The following TPRG1 variants were observed in gnomAD, a reference collection of about 807,000 sequenced individuals.
TPRG1 encodes tumor protein p63-regulated gene 1 protein.
Under a neutral mutation model 29.3 loss-of-function variants are expected in TPRG1, and 29 were observed. The ratio of observed to expected loss-of-function variants is 0.99; its 90% CI spans 0.74 to 1.35. The LOEUF (loss-of-function observed/expected upper bound fraction) is 1.35, where lower values mean the gene tolerates loss of function less well. TPRG1 is among the 40% of genes most tolerant of loss of function. The probability of loss-of-function intolerance (pLI) is 0.00; values close to 1 mark genes in which losing one functional copy is unlikely to be tolerated. For synonymous variants in TPRG1, 130 were observed against 116.8 expected, an observed-to-expected ratio of 1.11 and a Z score of -0.73; for missense variants, 327 against 335.0, an observed-to-expected ratio of 0.98 and a Z score of 0.19.
chr3:189,139,051 C>T (rs969346079), intron 3 of TPRG1, among the ~76,000 whole-genome samples: 3 of 152,042 alleles, frequency 2.0e-5, no homozygotes, highest in African/African-American at 7.2e-5. Flanking sequence ...CAAAAGAAAC[C>T]CAGCCAAGTA....
chr3:189,047,319 T>C (rs1715042108), intron 4 of TPRG1, among the ~76,000 whole-genome samples: 1 of 152,234 alleles, frequency 6.6e-6, no homozygotes, highest in African/African-American at 2.4e-5. Flanking sequence ...TACTATAGTC[T>C]ATTAAGTGTA....
intron 4 of TPRG1, among the ~76,000 whole-genome samples, chr3:189,293,728 C>T (rs1035715800): frequency 6.6e-6 from 1 of 152,156 alleles, no homozygotes; most frequent in Non-Finnish European, 1.5e-5. Flanking sequence ...AGTCTGTCTC[C>T]TCCTTTTTAT....
At chr3:189,054,135 T>C (rs1055569679) in intron 4 of TPRG1, among the ~76,000 whole-genome samples, 2 of 152,122 alleles carry the variant, frequency 1.3e-5, no homozygotes, top group Admixed American at 1.3e-4. Context: ...ATGCAAATCT[T>C]CCTTTTACTT....
intron 4 of TPRG1, among the ~76,000 whole-genome samples, chr3:189,276,309 AT>A (rs2109110134): frequency 6.6e-6 from 1 of 152,328 alleles, no homozygotes; most frequent in South Asian, 2.1e-4. Context: ...TGTGGTTGGA[AT>A]TGCAGAAGTG....
intron 4 of TPRG1, among the ~76,000 whole-genome samples, chr3:189,294,247 A>G (rs1719497841): frequency 6.6e-6 from 1 of 152,164 alleles, no homozygotes; most frequent in South Asian, 2.1e-4. Flanking sequence ...TCAGGAATCA[A>G]GTACTTAGAT....
chr3:189,207,457 G>C lies in TPRG1; in HGVS notation c.73G>C (p.Glu25Gln), dbSNP rs1374930409. 2.5e-6 allele frequency: 4 copies of C among 1,613,924 alleles called. No homozygotes were observed. In the Admixed American group the frequency reaches 5.0e-5, roughly 20 times the overall value. ...GCAAGAGGGAGATGACCAACCCTCT[G>C]AGACTGACCACCTATCGATGGAGGA... ...LKQEGDDQPS[E>Q]TDHLSMEEED... Residue 25 changes from glutamate (E) to glutamine (Q), a missense_variant, in exon 2 of 6, where the codon GAG becomes CAG. Glu to Gln is a conservative substitution (Grantham distance 29). Coordinates refer to ENST00000345063, the MANE Select transcript of TPRG1 (RefSeq NM_198485.4).
rs374374486 is a variant in TPRG1 at position 189,083,266 on chromosome 3, G to A, written c.-462-43791G>A. ...TTGGGGCCAGAGGCCTGGAAACTTT[G>A]ACCACTCTGGCATAGGGATTCGGCT... On this transcript the variant is annotated intron_variant, in intron 4 of 10. Coordinates refer to the TPRG1 transcript ENST00000433971. 1.7e-4 allele frequency among the ~76,000 whole-genome samples: 26 copies of A among 152,178 alleles called. No individual in the cohort carries two copies. The East Asian group carries it at 2.3e-3, about 14-fold the overall frequency.
intron 4 of TPRG1, among the ~76,000 whole-genome samples, chr3:189,292,156 T>C (rs1719105088): frequency 2.0e-5 from 3 of 152,216 alleles, no homozygotes. Flanking sequence ...TAATCTGTTT[T>C]AAAACTTTTT....
chr3:189,197,742 G>C lies in TPRG1; in HGVS notation c.-9-9634G>C, dbSNP rs148731021. Among the ~76,000 whole-genome samples the C allele has an allele frequency of 4.7e-4, 72 of 152,278 alleles. 1 individual carries two copies. The East Asian group carries it at 0.012, about 26-fold the overall frequency. ...TGAAGGGGAGAACCCAAGAGATCTG[G>C]ATATGTAGATTAAGTGGATATGTTT... On this transcript the variant is annotated intron_variant, in intron 1 of 5. Coordinates refer to ENST00000345063, the MANE Select transcript of TPRG1 (RefSeq NM_198485.4).
At chr3:189,005,848 C>T (rs569484438) in intron 3 of TPRG1, among the ~76,000 whole-genome samples, 1 of 151,950 alleles carries the variant, frequency 6.6e-6, no homozygotes, top group African/African-American at 2.4e-5. Flanking sequence ...TAAATTTATT[C>T]AGCAGTAATT....
chr3:189,104,936 C>T (rs1010869715), intron 1 of TPRG1, among the ~76,000 whole-genome samples: 9 of 152,158 alleles, frequency 5.9e-5, no homozygotes, highest in Non-Finnish European at 1.2e-4. Context: ...CAAGTTTTTC[C>T]AAGACCTGAT....
At chr3:189,163,534 C>T (rs954224642) in intron 5 of TPRG1, among the ~76,000 whole-genome samples, 12 of 152,040 alleles carry the variant, frequency 7.9e-5, no homozygotes, top group East Asian at 7.7e-4. Context: ...GATGATTTAC[C>T]GGTTTTAGGC....
At chr3:189,289,466 T>G (rs1413775555) in intron 4 of TPRG1, among the ~76,000 whole-genome samples, 9 of 151,854 alleles carry the variant, frequency 5.9e-5, no homozygotes, top group Non-Finnish European at 1.3e-4. Flanking sequence ...TTCTATGTAG[T>G]GGTTAAGAGC....
Position 189,228,567 on chromosome 3 carries a change from C to T in TPRG1, c.303-10166C>T, listed in dbSNP as rs150842278. The stretch of plus-strand genomic sequence containing the variant: ...TGCAGAGAAAGTATTTGACAAAACT[C>T]AGCACCCACTCATGATAAAAACAAA... On this transcript the variant is annotated intron_variant, in intron 3 of 5. Coordinates refer to ENST00000345063, the MANE Select transcript of TPRG1 (RefSeq NM_198485.4). Among the ~76,000 whole-genome samples, 505 of 152,206 alleles carry T rather than the reference C, an allele frequency of 3.3e-3. 4 individuals carry two copies. Among genetic ancestry groups the T allele is most frequent in the African/African-American group, 0.012 (480 of 41,544 alleles).
chr3:189,120,423 A>T (rs974831162), intron 1 of TPRG1: 7 of 152,246 alleles, frequency 4.6e-5, no homozygotes, highest in Admixed American at 2.6e-4. Context: ...TAATGATAAT[A>T]TATTTCATTC....
intron 4 of TPRG1, among the ~76,000 whole-genome samples, chr3:189,073,384 A>C (rs1031697060): frequency 9.2e-5 from 14 of 152,214 alleles, no homozygotes; most frequent in African/African-American, 3.4e-4. Context: ...TACTCTCATG[A>C]CACTATAAAC....
chr3:189,196,702 G>T (rs1470637644), intron 1 of TPRG1, among the ~76,000 whole-genome samples: 1 of 152,014 alleles, frequency 6.6e-6, no homozygotes, highest in East Asian at 1.9e-4. Context: ...GATTTGGGTG[G>T]GGACACAGCC....
Position 189,244,503 on chromosome 3 carries a change from G to A in TPRG1, c.479+5594G>A, listed in dbSNP as rs562207693. Among the ~76,000 whole-genome samples the A allele has an allele frequency of 5.3e-5, 8 of 152,254 alleles. No homozygotes were observed. In the South Asian group the frequency reaches 1.7e-3, roughly 32 times the overall value. On this transcript the variant is annotated intron_variant, in intron 4 of 5. Coordinates refer to ENST00000345063, the MANE Select transcript of TPRG1 (RefSeq NM_198485.4). Reference sequence around the variant, plus strand: ...ACTTCTGTTTCTAGAGAGGCCTCAGGAAGTTTCCAATCATGGCAGAAGGAA... The same window carrying A: ...ACTTCTGTTTCTAGAGAGGCCTCAGAAAGTTTCCAATCATGGCAGAAGGAA...
chr3:189,143,995 G>T (rs184937453), intron 3 of TPRG1, among the ~76,000 whole-genome samples: 1 of 152,034 alleles, frequency 6.6e-6, no homozygotes, highest in South Asian at 2.1e-4. Flanking sequence ...CCTACTTTAG[G>T]ATCTTCAGGA....
Sources: allele counts gnomAD v4.1 joint callset (sites outside exome capture counted in the v4.1 genomes callset), GRCh38; gene constraint gnomAD v4.1.1; transcripts MANE v1.5; gene names NCBI Gene and HGNC (gene_info 2026-07-23, HGNC 2026-07-21).